Variants in KCNIP1 observed in about 807,000 individuals in gnomAD.
KCNIP1 encodes the protein potassium voltage-gated channel interacting protein 1.
KCNIP1 carries 18 observed loss-of-function variants against 33.0 expected under a neutral mutation model. The ratio of observed to expected loss-of-function variants is 0.55; its 90% confidence interval spans 0.38 to 0.81. The LOEUF is 0.81. KCNIP1 is among the 30% of genes least tolerant of loss of function. The probability of loss-of-function intolerance (pLI) is 0.00; values close to 1 mark genes in which losing one functional copy is unlikely to be tolerated. For missense variants in KCNIP1, 238 were observed against 271.6 expected, an observed-to-expected ratio of 0.88 and a Z score of 0.87; for synonymous variants, 93 against 98.3, an observed-to-expected ratio of 0.95 and a Z score of 0.32.
At chr5:170,355,320 C>G (rs992402961) in intron 1 of KCNIP1, among the ~76,000 whole-genome samples, 5 of 152,164 alleles carry the variant, frequency 3.3e-5, no homozygotes, top group Non-Finnish European at 5.9e-5. Flanking sequence ...GGCTTTACCT[C>G]CTGGAGAAGG....
intron 1 of KCNIP1, among the ~76,000 whole-genome samples, chr5:170,539,209 CAT>C (rs889649327): frequency 3.3e-5 from 5 of 152,130 alleles, no homozygotes; most frequent in Admixed American, 3.3e-4. Flanking sequence ...ACTATTAATT[CAT>C]ATGTCGGGTT....
chr5:170,391,353 G>A (rs1754585709), intron 1 of KCNIP1, among the ~76,000 whole-genome samples: 1 of 152,164 alleles, frequency 6.6e-6, no homozygotes, highest in Non-Finnish European at 1.5e-5. Context: ...ACAAACTTTA[G>A]CATTCTTCCC....
At chr5:170,628,485 C>CGTGTGT (rs58781683) in intron 1 of KCNIP1, among the ~76,000 whole-genome samples, 3 of 151,436 alleles carry the variant, frequency 2.0e-5, no homozygotes, top group African/African-American at 4.9e-5. Context: ...CTCCAAAGGG[C>CGTGTGT]GTGTGTGTGT....
chr5:170,552,802 G>A (rs535676847), intron 1 of KCNIP1, among the ~76,000 whole-genome samples: 2 of 152,358 alleles, frequency 1.3e-5, no homozygotes, highest in African/African-American at 2.4e-5. Flanking sequence ...AAGTTCAGCC[G>A]TGCTGCAGGG....
In KCNIP1 at chr5:170,518,566, A is replaced by G. The variant is rs146426087; in HGVS notation, c.61+13933A>G. Among the ~76,000 whole-genome samples, 781 of 152,354 alleles carry G rather than the reference A, an allele frequency of 5.1e-3. 2 individuals carry two copies. The highest frequency in any genetic ancestry group is 0.02 in the Middle Eastern group (6 of 294). ...ACAGGCTGTTCTCTTGGATGAACTC[A>G]TCAGAGTTAAATGTTTCATCTTTGA... On this transcript the variant is annotated intron_variant, in intron 1 of 7. Transcript: ENST00000328939.
chr5:170,685,669 A>G (rs2113804376), intron 1 of KCNIP1, among the ~76,000 whole-genome samples: 1 of 151,912 alleles, frequency 6.6e-6, no homozygotes, highest in East Asian at 1.9e-4. Context: ...TTGTATTTTT[A>G]GTTGAGACAT....
intron 1 of KCNIP1, among the ~76,000 whole-genome samples, chr5:170,545,520 A>C (rs1478482668): frequency 6.6e-6 from 1 of 152,048 alleles, no homozygotes; most frequent in African/African-American, 2.4e-5. Flanking sequence ...TAGACCTTTG[A>C]TAATGCCCCA....
chr5:170,571,568 G>A (rs1056081807), intron 1 of KCNIP1, among the ~76,000 whole-genome samples: 3 of 152,120 alleles, frequency 2.0e-5, no homozygotes, highest in African/African-American at 4.8e-5. Flanking sequence ...CTGCTATGAC[G>A]GCACCCAGCA....
intron 1 of KCNIP1, among the ~76,000 whole-genome samples, chr5:170,484,789 C>G (rs1055365255): frequency 6.6e-6 from 1 of 151,864 alleles, no homozygotes; most frequent in Non-Finnish European, 1.5e-5. Context: ...TTTCCACCCT[C>G]TCTCTGCGTT....
At chr5:170,612,123 C>A (rs1389473688) in intron 1 of KCNIP1, among the ~76,000 whole-genome samples, 1 of 152,218 alleles carries the variant, frequency 6.6e-6, no homozygotes. Context: ...TCTCTGCAAC[C>A]AGCGAGCTCA....
intron 1 of KCNIP1, among the ~76,000 whole-genome samples, chr5:170,450,848 T>TTATC (rs1244235475): frequency 6.6e-6 from 1 of 152,146 alleles, no homozygotes; most frequent in Non-Finnish European, 1.5e-5. Context: ...CCCATCGTGA[T>TTATC]TATCTCCCCT....
At chr5:170,476,387 CA>C (rs1315689055) in intron 1 of KCNIP1, among the ~76,000 whole-genome samples, 1 of 152,202 alleles carries the variant, frequency 6.6e-6, no homozygotes, top group Non-Finnish European at 1.5e-5. Context: ...CCAGCCGGAA[CA>C]AACAGATTCT....
chr5:170,358,353 C>G (rs1763404116), intron 1 of KCNIP1, among the ~76,000 whole-genome samples: 1 of 152,202 alleles, frequency 6.6e-6, no homozygotes, highest in Non-Finnish European at 1.5e-5. Context: ...CGCCCAGGCC[C>G]AGGCTGTTCC....
rs917818953 is a variant in KCNIP1, at chr5:170,452,135, G to A, written c.88+98171G>A. ...TTGGTGGCATTGGGGACTGAGAACA[G>A]AACAAAATTCAGGCTTTGAGTGTGG... is the stretch of plus-strand genomic sequence containing the variant. On this transcript the variant is annotated intron_variant, in intron 1 of 7. Coordinates refer to the KCNIP1 transcript ENST00000377360. Among the ~76,000 whole-genome samples the A allele has an allele frequency of 6.6e-5, 10 of 152,210 alleles. No homozygotes were observed. The East Asian group carries it at 7.7e-4, about 12-fold the overall frequency.
chr5:170,559,280 T>G (rs981846831), intron 1 of KCNIP1, among the ~76,000 whole-genome samples: 5 of 152,262 alleles, frequency 3.3e-5, no homozygotes, highest in Admixed American at 2.6e-4. Context: ...ATCATTCTTA[T>G]GTAAGTTATC....
chr5:170,379,706 T>C (rs995505774), intron 1 of KCNIP1, among the ~76,000 whole-genome samples: 1 of 152,174 alleles, frequency 6.6e-6, no homozygotes, highest in Non-Finnish European at 1.5e-5. Context: ...CCTAACACTT[T>C]GGGAAGCCGA....
At chr5:170,461,762 A>C (rs1164267685) in intron 1 of KCNIP1, among the ~76,000 whole-genome samples, 1 of 142,134 alleles carries the variant, frequency 7.0e-6, no homozygotes, top group African/African-American at 2.6e-5. Context: ...AAAAAAAAAA[A>C]GGCAAATAGA....
rs1554088940 is a variant in KCNIP1 at position 170,390,517 on chromosome 5, A to AATATATATATAT, written c.88+36564_88+36575dup. On this transcript the variant is annotated intron_variant, in intron 1 of 7. Coordinates refer to the KCNIP1 transcript ENST00000377360. ...GACCCCGTCTCAAAAAAAAAAAACA[A>AATATATATATAT]ATATATATATATATATATATATTTT... Among the ~76,000 whole-genome samples the AATATATATATAT allele has an allele frequency of 7.7e-3, 570 of 74,074 alleles. 26 individuals are homozygous for AATATATATATAT. The highest frequency in any genetic ancestry group is 0.01 in the Non-Finnish European group (402 of 39,878). The allele number at this position is 74,074 out of a possible 152,430, so 48.6% of individuals were successfully genotyped here.
intron 1 of KCNIP1, among the ~76,000 whole-genome samples, chr5:170,363,593 G>T (rs527297909): frequency 4.6e-5 from 7 of 152,310 alleles, no homozygotes; most frequent in African/African-American, 1.7e-4. Flanking sequence ...ATAGATTTTC[G>T]TTATTTAACT....
Sources: gnomAD v4.1 joint callset for allele counts (sites outside exome capture counted in the v4.1 genomes callset) on GRCh38, gnomAD v4.1.1 for gene constraint, MANE v1.5 for transcripts, NCBI Gene and HGNC (gene_info 2026-07-23, HGNC 2026-07-21) for gene names.